LIN7A: variants seen among roughly 807,000 people sequenced by gnomAD.
The protein encoded by LIN7A is protein lin-7 homolog A.
Under a neutral mutation model 29.8 loss-of-function variants are expected in LIN7A, and 25 were observed. The observed-to-expected ratio is 0.84, with a 90% confidence interval of 0.61 to 1.17. The LOEUF (loss-of-function observed/expected upper bound fraction) is 1.17, where lower values mean the gene tolerates loss of function less well. LIN7A is among the 50% of genes most tolerant of loss of function. The pLI, the probability that LIN7A is intolerant of heterozygous loss-of-function variation, is 0.00. For synonymous variants in LIN7A, 118 were observed against 107.5 expected (o/e 1.10, Z -0.60); for missense variants, 239 against 287.0 (o/e 0.83, Z 1.21).
intron 1 of LIN7A, 25 bp downstream of exon 1, chr12:80,937,616 C>T (rs755670518): frequency 1.4e-6 from 2 of 1,448,116 alleles, no homozygotes; most frequent in East Asian, 2.8e-5. Flanking sequence ...GACGCGGTGG[C>T]CTGGCGAGCG....
At chr12:80,902,259 A>G (rs1369011105) in intron 1 of LIN7A, among the ~76,000 whole-genome samples, 1 of 82,184 alleles carries the variant, frequency 1.2e-5, no homozygotes, top group Non-Finnish European at 2.4e-5. Context: ...TGTTTTGTTT[A>G]ATGTGGCTTT....
At chr12:80,801,432 T>C (rs73358848) in intron 5 of LIN7A, among the ~76,000 whole-genome samples, 7,444 of 152,236 alleles carry the variant, frequency 0.049, 662 homozygotes, top group African/African-American at 0.17. Flanking sequence ...AATTTTCCCC[T>C]AGAGCCTCCT....
At chr12:80,803,576 G>T (rs1870823786) in intron 5 of LIN7A, among the ~76,000 whole-genome samples, 1 of 152,092 alleles carries the variant, frequency 6.6e-6, no homozygotes, top group Non-Finnish European at 1.5e-5. Context: ...CTTCAGTCTG[G>T]TTCTTTATGC....
chr12:80,874,451 T>C (rs1874581474), intron 2 of LIN7A, among the ~76,000 whole-genome samples: 1 of 152,208 alleles, frequency 6.6e-6, no homozygotes, highest in Non-Finnish European at 1.5e-5. Context: ...AATTATACAA[T>C]GATTAGTAAC....
chr12:80,911,814 T>A (rs551095689), intron 1 of LIN7A, among the ~76,000 whole-genome samples: 2 of 152,334 alleles, frequency 1.3e-5, no homozygotes, highest in East Asian at 3.9e-4. Context: ...CACATTTTTT[T>A]AATGCAAGAC....
intron 4 of LIN7A, among the ~76,000 whole-genome samples, chr12:80,821,043 G>A (rs575660176): frequency 2.6e-5 from 4 of 152,100 alleles, no homozygotes; most frequent in Admixed American, 2.6e-4. Context: ...CTACATATCC[G>A]CCAAGAACTA....
At chr12:80,800,887 T>C (rs536065971) in intron 5 of LIN7A, among the ~76,000 whole-genome samples, 65 of 152,232 alleles carry the variant, frequency 4.3e-4, no homozygotes, top group Non-Finnish European at 6.9e-4. Flanking sequence ...CAACAAGATT[T>C]AAAAATGTTA....
At position 80,868,839 on chromosome 12, in the gene LIN7A, G is replaced by C. The variant is rs545625377; in HGVS notation, c.201+20412C>G. 3.1e-4 allele frequency among the ~76,000 whole-genome samples: 47 copies of C among 152,052 alleles called. 1 individual carries two copies. The South Asian group carries it at 8.3e-3, about 27-fold the overall frequency. ...ACTTGCCTCTGGGCTGGTTTCAGGT[G>C]GGGGGGCCCATATCAGATATGACTA... On this transcript the variant is annotated intron_variant, in intron 2 of 5. Coordinates refer to ENST00000552864, the MANE Select transcript of LIN7A (RefSeq NM_004664.4).
At chr12:80,891,171 T>G (rs1875606384) in intron 1 of LIN7A, among the ~76,000 whole-genome samples, 1 of 152,210 alleles carries the variant, frequency 6.6e-6, no homozygotes, top group African/African-American at 2.4e-5. Context: ...TCATCATTTC[T>G]CACTTGCAGT....
At chr12:80,872,584 C>A (rs1920990) in intron 2 of LIN7A, among the ~76,000 whole-genome samples, 57,022 of 151,986 alleles carry the variant, frequency 0.38, 13,648 homozygotes, top group African/African-American at 0.68. Flanking sequence ...TAAGACCTTA[C>A]ATTTCTTCCA....
At chr12:80,881,657 A>G (rs536149680) in intron 2 of LIN7A, among the ~76,000 whole-genome samples, 12 of 152,136 alleles carry the variant, frequency 7.9e-5, no homozygotes, top group Middle Eastern at 3.4e-3. Flanking sequence ...GTACACACAC[A>G]TATATATATG....
chr12:80,820,385 C>T (rs1323920075), intron 4 of LIN7A, among the ~76,000 whole-genome samples: 2 of 152,098 alleles, frequency 1.3e-5, no homozygotes, highest in African/African-American at 4.8e-5. Context: ...ATCAGTAAGC[C>T]TGGGGGCAGA....
intron 1 of LIN7A, among the ~76,000 whole-genome samples, chr12:80,921,254 A>C (rs1409239650): frequency 6.6e-6 from 1 of 151,942 alleles, no homozygotes; most frequent in East Asian, 2.0e-4. Flanking sequence ...TGATTTTGGA[A>C]TTCCCAGACT....
chr12:80,864,064 C>T (rs2400843), intron 2 of LIN7A, among the ~76,000 whole-genome samples: 117,070 of 152,078 alleles, frequency 0.77, 45,898 homozygotes, highest in East Asian at 0.97. Context: ...TAAAACATGA[C>T]TTATACAGAT....
chr12:80,811,396 C>T (rs1383704568), intron 5 of LIN7A, 69 bp downstream of exon 5: 3 of 501,816 alleles, frequency 6.0e-6, no homozygotes, highest in South Asian at 2.6e-5. Flanking sequence ...TAAGTATATT[C>T]ATATATACAT....
At chr12:80,936,664 AG>A (rs1878237981) in intron 1 of LIN7A, 1 of 152,520 alleles carries the variant, frequency 6.6e-6, no homozygotes, top group Non-Finnish European at 1.5e-5. Flanking sequence ...CCACACACTC[AG>A]GGACAGGTAT....
intron 4 of LIN7A, among the ~76,000 whole-genome samples, chr12:80,834,138 T>C (rs1227668174): frequency 6.6e-6 from 1 of 152,196 alleles, no homozygotes; most frequent in Non-Finnish European, 1.5e-5. Flanking sequence ...TTTTACTCGA[T>C]TTTTAAGTAT....
intron 4 of LIN7A, among the ~76,000 whole-genome samples, chr12:80,835,272 G>A (rs2121530482): frequency 6.6e-6 from 1 of 152,278 alleles, no homozygotes; most frequent in East Asian, 1.9e-4. Context: ...ACAATGCTGT[G>A]TAATTGTGGA....
chr12:80,811,733 C>A (rs1349139067), intron 4 of LIN7A, 50 bp from the exon 5 acceptor site: 7 of 1,557,454 alleles, frequency 4.5e-6, no homozygotes, highest in East Asian at 2.3e-5. Context: ...ATGTTCTTTT[C>A]CCTGGAGACA....
Sources: allele counts gnomAD v4.1 joint callset (sites outside exome capture counted in the v4.1 genomes callset), GRCh38; gene constraint gnomAD v4.1.1; transcripts MANE v1.5; gene names NCBI Gene and HGNC (gene_info 2026-07-23, HGNC 2026-07-21).